MYPOP: variants seen among roughly 807,000 people sequenced by gnomAD.
MYPOP encodes the protein myb-related transcription factor, partner of profilin.
MYPOP carries 21 observed loss-of-function variants against 25.7 expected under a neutral mutation model. The ratio of observed to expected loss-of-function variants is 0.82; its 90% CI spans 0.58 to 1.18. The LOEUF (loss-of-function observed/expected upper bound fraction) is 1.18. Among genes scored for constraint, MYPOP ranks in the 50% most tolerant of loss-of-function variants. MYPOP has a pLI of 0.00. For missense variants in MYPOP, 566 were observed against 588.3 expected, an observed-to-expected ratio of 0.96 and a Z score of 0.39; for synonymous variants, 280 against 247.9, an observed-to-expected ratio of 1.13 and a Z score of -1.22.
intron 2 of MYPOP, among the ~76,000 whole-genome samples, chr19:45,893,514 G>T (rs1600566019): frequency 6.8e-6 from 1 of 147,742 alleles, no homozygotes; most frequent in African/African-American, 2.5e-5. Flanking sequence ...GTTGCAGTGA[G>T]CTGAGATTGC....
In MYPOP at chr19:45,890,637, A is replaced by G; in HGVS notation, c.1186T>C (p.Trp396Arg). 3 of 1,600,368 alleles carry G rather than the reference A, an allele frequency of 1.9e-6. No homozygotes were observed. Among genetic ancestry groups the G allele is most frequent in the South Asian group, 1.1e-5 (1 of 90,772 alleles). ...GATAGTAGATTTCACGGAGATTTCC[A>G]TCGGCCGCGCCTTTTCCGTGTAGGG... is the stretch of plus-strand genomic sequence containing the variant. ...GFPTRKRRGR[W>R]KSP is the part of the protein sequence containing the mutation. The change falls in exon 3 of 3, where the codon TGG becomes CGG. Residue 396 changes from tryptophan (W) to arginine (R), a missense_variant. Transcript: ENST00000322217.
In MYPOP at chr19:45,890,801, A is replaced by G. The variant is rs1369268905; in HGVS notation, c.1022T>C (p.Val341Ala). 6.8e-7 allele frequency: 1 copy of G among 1,465,956 alleles called. No homozygotes were observed. The highest frequency in any genetic ancestry group is 2.3e-5 in the Admixed American group (1 of 42,660). 90.8% of individuals were successfully genotyped at this position (1,465,956 alleles called of 1,614,324 possible). ...VEITPEPVSVVAAVVDGAVVA... is the reference protein window; with the variant it reads ...VEITPEPVSVAAAVVDGAVVA... ...CACTGCCCCGTCCACCACAGCAGCCACCACGGACACGGGCTCTGGGGTGAT... is the reference window on the plus strand; with the variant it reads ...CACTGCCCCGTCCACCACAGCAGCCGCCACGGACACGGGCTCTGGGGTGAT... The change falls in exon 3 of 3, where the codon GTG becomes GCG. Residue 341 changes from valine to alanine, a missense_variant. Transcript: ENST00000322217.
rs772187766 is a variant in MYPOP at position 45,901,296 on chromosome 19, G to A, written c.478C>T (p.Arg160Cys). The change falls in exon 2 of 3, where the codon CGC becomes TGC. Residue 160 changes from arginine (R) to cysteine (C), a missense_variant. By Grantham distance (180) the Arg-to-Cys change is radical. Coordinates refer to ENST00000322217, the MANE Select transcript of MYPOP (RefSeq NM_001012643.4). This position sits in a 1 kb window ranked among gnomAD's most constrained non-coding sequence, Gnocchi z 5.7. ...TCACCTGCACGTCGGTCCTCCCGGC[G>A]GTCTTCCGACAACACGTAGCGCTGA... is the stretch of plus-strand genomic sequence containing the variant. ...CPQRYVLSED[R>C]REDRRADTSA... The A allele has an allele frequency of 6.9e-7, 1 of 1,452,322 alleles. No individual in the cohort carries two copies. Among genetic ancestry groups the A allele is most frequent in the Non-Finnish European group, 9.1e-7 (1 of 1,103,648 alleles). 90.0% of individuals were successfully genotyped at this position (1,452,322 alleles called of 1,614,324 possible).
In MYPOP at chr19:45,890,567, C is replaced by T; in HGVS notation, c.*56G>A. 6.3e-7 allele frequency: 1 copy of T among 1,592,332 alleles called. No individual in the cohort carries two copies. The highest frequency in any genetic ancestry group is 8.6e-7 in the Non-Finnish European group (1 of 1,167,984). Reference sequence around the variant, plus strand: ...GGGATGGGCAGAGAGCATCGCCCCCCTCGACTGCGCCAAGCTGGGGAGAGG... The same window carrying T: ...GGGATGGGCAGAGAGCATCGCCCCCTTCGACTGCGCCAAGCTGGGGAGAGG... On this transcript the variant is annotated 3_prime_UTR_variant, in exon 3 of 3. Transcript: ENST00000322217.
At position 45,890,715 on chromosome 19, in the gene MYPOP, G is replaced by C. The variant is rs1967106258; in HGVS notation, c.1108C>G (p.Pro370Ala). ...GAGTCGTGCGGAGGGAGCGGGGCTG[G>C]GGGGGGCCGGGGTGCCCCCTCCTCG... Reference protein sequence around the residue: ...RSEEGAPRPPPAPLPPHDSPP... With the variant: ...RSEEGAPRPPAAPLPPHDSPP... The change falls in exon 3 of 3, where the codon CCA becomes GCA. Residue 370 changes from proline (P) to alanine (A), a missense_variant. Transcript: ENST00000322217. The C allele has an allele frequency of 1.9e-6, 3 of 1,581,634 alleles. No individual in the cohort carries two copies. Among genetic ancestry groups the C allele is most frequent in the Non-Finnish European group, 2.6e-6 (3 of 1,162,432 alleles).
chr19:45,890,707 C>CGG lies in MYPOP; in HGVS notation c.1114_1115dup (p.Leu373ArgfsTer34). 1 of 340,032 alleles carries CGG rather than the reference C, an allele frequency of 2.9e-6. No individual in the cohort carries two copies. The highest frequency in any genetic ancestry group is 5.0e-6 in the Non-Finnish European group (1 of 198,092). 21.1% of individuals were successfully genotyped at this position (340,032 alleles called of 1,614,324 possible). On this transcript the variant is annotated frameshift_variant, in exon 3 of 3. Transcript: ENST00000322217. LOFTEE classifies it high-confidence loss of function. ...GTGGGGGGGAGTCGTGCGGAGGGAG[C>CGG]GGGGCTGGGGGGGGCCGGGGTGCCC...
Position 45,890,840 on chromosome 19 carries a change from G to A in MYPOP, c.983C>T (p.Ala328Val). 3 of 1,438,196 alleles carry A rather than the reference G, an allele frequency of 2.1e-6. No homozygotes were observed. The highest frequency in any genetic ancestry group is 2.7e-6 in the Non-Finnish European group (3 of 1,096,050). 89.1% of individuals were successfully genotyped at this position (1,438,196 alleles called of 1,614,324 possible). A position where few individuals can be genotyped will look rare whatever the true frequency, so the allele number is the denominator to read the frequency against. The change falls in exon 3 of 3, where the codon GCC (alanine) becomes GTC (valine). Residue 328 changes from alanine to valine, a missense_variant. Coordinates refer to ENST00000322217, the MANE Select transcript of MYPOP (RefSeq NM_001012643.4). ...PPPRPVLPPP[A>V]PKVEITPEPV... ...CTCTGGGGTGATCTCCACCTTGGGG[G>A]CCGGTGGGGGCAGGACAGGCCTGGG...
rs763053825 is a variant in MYPOP, at chr19:45,891,080, C to T, written c.743G>A (p.Arg248Gln). 23 of 457,166 alleles carry T rather than the reference C, an allele frequency of 5.0e-5. No individual in the cohort carries two copies. Among genetic ancestry groups the T allele is most frequent in the Non-Finnish European group, 6.4e-5 (21 of 327,062 alleles). 28.3% of individuals were successfully genotyped at this position (457,166 alleles called of 1,614,324 possible). ...PSPPSPPPPP[R>Q]PPPTLSASDP... ...TGAGGCCGAGAGCGTGGGTGGAGGC[C>T]GAGGAGGGGGTGGGGGGCTAGGGGG... The change falls in exon 3 of 3, where the codon CGG (arginine) becomes CAG (glutamine). Residue 248 changes from arginine to glutamine, a missense_variant. Arg to Gln is a conservative substitution (Grantham distance 43, BLOSUM62 1). Coordinates refer to ENST00000322217, the MANE Select transcript of MYPOP (RefSeq NM_001012643.4).
chr19:45,902,484 CAAG>C (rs935379130), intron 1 of MYPOP, 83 bp downstream of exon 1: 1 of 152,210 alleles, frequency 6.6e-6, no homozygotes, highest in African/African-American at 2.4e-5. Context: ...TCCCGTATCA[CAAG>C]GAGACAACGG....
At chr19:45,893,483 G>C (rs111797781) in intron 2 of MYPOP, among the ~76,000 whole-genome samples, 26,973 of 148,802 alleles carry the variant, frequency 0.18, 2,649 homozygotes, top group South Asian at 0.27. Context: ...CAGGAGAATC[G>C]CTTGAACCCG....
chr19:45,891,843 T>C (rs1278701408), intron 2 of MYPOP, among the ~76,000 whole-genome samples: 1 of 152,160 alleles, frequency 6.6e-6, no homozygotes, highest in Non-Finnish European at 1.5e-5. Context: ...CCAGCTTTAG[T>C]GGAAACAGGT....
chr19:45,896,519 C>T (rs571534379), intron 2 of MYPOP, among the ~76,000 whole-genome samples: 78 of 152,190 alleles, frequency 5.1e-4, no homozygotes, highest in Non-Finnish European at 1.0e-3. Flanking sequence ...ATGATCATCG[C>T]CCCATTTTAT....
In MYPOP at chr19:45,890,360, A is replaced by G. The variant is rs1967098817; in HGVS notation, c.*263T>C. 2 of 423,488 alleles carry G rather than the reference A, an allele frequency of 4.7e-6. No individual in the cohort carries two copies. Among genetic ancestry groups the G allele is most frequent in the Non-Finnish European group, 4.1e-6 (1 of 241,384 alleles). 26.2% of individuals were successfully genotyped at this position (423,488 alleles called of 1,614,324 possible). ...CCTCCCCACCCCACATAGGGCAATA[A>G]TAAATAACATGAAATTGATGGCTTA... On this transcript the variant is annotated 3_prime_UTR_variant, in exon 3 of 3. Transcript: ENST00000322217.
At position 45,901,003 on chromosome 19, in the gene MYPOP, C is replaced by T. The variant is rs560460154; in HGVS notation, c.499+272G>A. 2.6e-5 allele frequency among the ~76,000 whole-genome samples: 4 copies of T among 152,254 alleles called. No individual in the cohort carries two copies. The highest frequency in any genetic ancestry group is 4.8e-5 in the African/African-American group (2 of 41,536). Reference sequence around the variant, plus strand: ...GCAGCCTGCCTCCAGAGTCACTACTCGACACTGCATTTAATGAAATCCTGC... The same window carrying T: ...GCAGCCTGCCTCCAGAGTCACTACTTGACACTGCATTTAATGAAATCCTGC... On this transcript the variant is annotated intron_variant, in intron 2 of 2. Transcript: ENST00000322217. This position sits in a 1 kb window ranked among gnomAD's most constrained non-coding sequence, Gnocchi z 5.7.
chr19:45,893,577 A>G (rs1451222842), intron 2 of MYPOP, among the ~76,000 whole-genome samples: 1 of 150,852 alleles, frequency 6.6e-6, no homozygotes, highest in Non-Finnish European at 1.5e-5. Flanking sequence ...TCAAAAAAAA[A>G]AAAAAAAAAA....
intron 2 of MYPOP, among the ~76,000 whole-genome samples, chr19:45,896,706 A>G (rs989921141): frequency 1.3e-5 from 2 of 151,168 alleles, no homozygotes; most frequent in African/African-American, 4.9e-5. Flanking sequence ...GCTCACTGCA[A>G]GCTCCGCTTC....
chr19:45,895,451 G>C (rs1331660520), intron 2 of MYPOP, among the ~76,000 whole-genome samples: 2 of 151,958 alleles, frequency 1.3e-5, no homozygotes, highest in Non-Finnish European at 2.9e-5. Flanking sequence ...ACAGGGTTTT[G>C]CCATGTTGCT....
In MYPOP at chr19:45,897,702, C is replaced by T. The variant is rs546778874; in HGVS notation, c.499+3573G>A. 2.7e-5 allele frequency among the ~76,000 whole-genome samples: 4 copies of T among 147,642 alleles called. No homozygotes were observed. In the South Asian group the frequency reaches 8.7e-4, roughly 32 times the overall value. ...TCATGTGTAGCTGGGACCAAGGCGC[C>T]GGCCACCATGCCTGGCTAATTTTTG... On this transcript the variant is annotated intron_variant, in intron 2 of 2. Transcript: ENST00000322217.
chr19:45,902,185 G>A (rs970785154), intron 1 of MYPOP, among the ~76,000 whole-genome samples: 8 of 134,698 alleles, frequency 5.9e-5, no homozygotes, highest in Non-Finnish European at 1.1e-4. Context: ...GGGTGCCTCG[G>A]GGGGGTCTTA....
Sources: gnomAD v4.1 joint callset for allele counts (sites outside exome capture counted in the v4.1 genomes callset) on GRCh38, gnomAD v4.1.1 for gene constraint, Gnocchi (gnomAD v3.1) non-coding constraint, MANE v1.5 for transcripts, NCBI Gene and HGNC (gene_info 2026-07-23, HGNC 2026-07-21) for gene names.